SORBS2: variants seen among roughly 807,000 people sequenced by gnomAD.
SORBS2 encodes sorbin and SH3 domain-containing protein 2.
Under a neutral mutation model 97.7 loss-of-function variants are expected in SORBS2, and 46 were observed. The ratio of observed to expected loss-of-function variants is 0.47; its 90% CI spans 0.37 to 0.60. SORBS2 has a LOEUF of 0.60. Ranked by LOEUF, SORBS2 falls within the 20% of genes least tolerant of loss-of-function variation. SORBS2 has a pLI of 0.00. For synonymous variants in SORBS2, 476 were observed against 473.4 expected, an observed-to-expected ratio of 1.01 and a Z score of -0.07; for missense variants, 1,316 against 1,282.3, an observed-to-expected ratio of 1.03 and a Z score of -0.40.
intron 2 of SORBS2, among the ~76,000 whole-genome samples, chr4:185,729,278 T>C (rs1253616916): frequency 2.0e-5 from 3 of 152,230 alleles, no homozygotes; most frequent in African/African-American, 7.2e-5. Context: ...TATTTTAAAA[T>C]GAGAGAAAAT....
At chr4:185,826,495 T>C (rs2099199889) in intron 1 of SORBS2, among the ~76,000 whole-genome samples, 1 of 152,236 alleles carries the variant, frequency 6.6e-6, no homozygotes, top group South Asian at 2.1e-4. Flanking sequence ...GTCATCCTAG[T>C]CTCTAAACAG....
chr4:185,738,408 C>T (rs1357702839), intron 2 of SORBS2, among the ~76,000 whole-genome samples: 3 of 152,144 alleles, frequency 2.0e-5, no homozygotes, highest in Admixed American at 6.6e-5. Flanking sequence ...GATCCCAGCC[C>T]GGAGATTTTC....
At chr4:185,705,578 A>T (rs1051536356) in intron 2 of SORBS2, among the ~76,000 whole-genome samples, 3 of 152,136 alleles carry the variant, frequency 2.0e-5, no homozygotes, top group African/African-American at 7.2e-5. Flanking sequence ...ATAAAAAAAA[A>T]TTCCTTAAAG....
At chr4:185,823,134 A>G (rs1299861419) in intron 1 of SORBS2, among the ~76,000 whole-genome samples, 1 of 152,164 alleles carries the variant, frequency 6.6e-6, no homozygotes, top group African/African-American at 2.4e-5. Flanking sequence ...TCTTGCAACA[A>G]GTGGATTCAG....
Position 185,859,777 on chromosome 4 carries a change from G to A in SORBS2, c.-337-84411C>T, listed in dbSNP as rs540898013. ...TATAAAAGATGGTGAATAAATGGGAGCATATGGCAGAGGCAATAGAAACTT... is the reference window on the plus strand; with the variant it reads ...TATAAAAGATGGTGAATAAATGGGAACATATGGCAGAGGCAATAGAAACTT... On this transcript the variant is annotated intron_variant, in intron 1 of 20. Transcript: ENST00000284776. Among the ~76,000 whole-genome samples, 8 of 152,298 alleles carry A rather than the reference G, an allele frequency of 5.3e-5. No homozygotes were observed. In the South Asian group the frequency reaches 1.5e-3, roughly 28 times the overall value.
intron 2 of SORBS2, among the ~76,000 whole-genome samples, chr4:185,764,328 T>C (rs1339416089): frequency 6.6e-6 from 1 of 152,196 alleles, no homozygotes; most frequent in Non-Finnish European, 1.5e-5. Context: ...ACTGCTAGAT[T>C]CAAAGCCCAT....
intron 1 of SORBS2, among the ~76,000 whole-genome samples, chr4:185,866,144 AC>A: frequency 6.6e-6 from 1 of 152,156 alleles, no homozygotes; most frequent in Non-Finnish European, 1.5e-5. Context: ...GATTCCTGTC[AC>A]CAGCCAGTTG....
At chr4:185,692,808 A>G (rs919266773) in intron 2 of SORBS2, among the ~76,000 whole-genome samples, 1 of 98,778 alleles carries the variant, frequency 1.0e-5, no homozygotes, top group Non-Finnish European at 2.1e-5. Flanking sequence ...ATGTGCACAC[A>G]TACACACACA....
intron 2 of SORBS2, among the ~76,000 whole-genome samples, chr4:185,697,042 G>A (rs139150312): frequency 6.4e-4 from 98 of 152,292 alleles, no homozygotes; most frequent in Middle Eastern, 3.4e-3. Flanking sequence ...ACTGAATAGC[G>A]TTGGAAGAAT....
Position 185,793,463 on chromosome 4 carries a change from T to C in SORBS2, c.-337-18097A>G, listed in dbSNP as rs142684637. 1.1e-3 allele frequency among the ~76,000 whole-genome samples: 175 copies of C among 152,384 alleles called. 1 individual carries two copies. The highest frequency in any genetic ancestry group is 4.0e-3 in the African/African-American group (167 of 41,598). ...AGAAGATACAAGAGTGTGTTTGTTATACTCTAATGAAGTTTCTTTGAGTTT... is the reference window on the plus strand; with the variant it reads ...AGAAGATACAAGAGTGTGTTTGTTACACTCTAATGAAGTTTCTTTGAGTTT... On this transcript the variant is annotated intron_variant, in intron 1 of 20. Transcript: ENST00000284776.
intron 1 of SORBS2, among the ~76,000 whole-genome samples, chr4:185,910,729 G>A (rs1441272634): frequency 1.3e-5 from 2 of 152,062 alleles, no homozygotes; most frequent in Admixed American, 6.5e-5. Flanking sequence ...GCATGAGCCA[G>A]CACATCTGAC....
intron 1 of SORBS2, chr4:185,933,385 A>C (rs2099267400): frequency 6.6e-6 from 1 of 152,116 alleles, no homozygotes; most frequent in African/African-American, 2.4e-5. Context: ...GGGCTGTGAT[A>C]ACAAAGTACC....
chr4:185,766,129 ATGAGGCG>A (rs2098932865), intron 2 of SORBS2, among the ~76,000 whole-genome samples: 1 of 152,222 alleles, frequency 6.6e-6, no homozygotes. Flanking sequence ...CTACTTCAGA[ATGAGGCG>A]TGGATCCCTT....
intron 4 of SORBS2, 64 bp from the exon 16 acceptor site, chr4:185,635,475 C>A: frequency 1.7e-6 from 2 of 1,208,246 alleles, no homozygotes; most frequent in Non-Finnish European, 2.4e-6. Context: ...TCAATGGCAG[C>A]AAGGAATGAA....
chr4:185,776,862 T>C (rs1320960450), intron 1 of SORBS2, among the ~76,000 whole-genome samples: 2 of 144,184 alleles, frequency 1.4e-5, no homozygotes, highest in Admixed American at 1.4e-4. Flanking sequence ...ATCGCACCAG[T>C]GCACTCCAGC....
In SORBS2 at chr4:185,643,990, C is replaced by T. The variant is rs1349084612; in HGVS notation, c.396+2678G>A. 7.9e-5 allele frequency among the ~76,000 whole-genome samples: 12 copies of T among 152,278 alleles called. No individual in the cohort carries two copies. The South Asian group carries it at 8.3e-4, about 11-fold the overall frequency. On this transcript the variant is annotated intron_variant, in intron 4 of 14. Transcript: ENST00000418609. ...TACGCGGCCAGTCTCTACATCACCACGGCCCACTTGGCTCTTTTTGTTTTC... is the reference window on the plus strand; with the variant it reads ...TACGCGGCCAGTCTCTACATCACCATGGCCCACTTGGCTCTTTTTGTTTTC...
intron 4 of SORBS2, among the ~76,000 whole-genome samples, chr4:185,663,523 C>A (rs2097550240): frequency 6.6e-6 from 1 of 152,200 alleles, no homozygotes; most frequent in Non-Finnish European, 1.5e-5. Context: ...TCTTGAGGAC[C>A]TGCTCCCTGG....
chr4:185,807,935 C>A (rs554809822), intron 1 of SORBS2, among the ~76,000 whole-genome samples: 1 of 152,096 alleles, frequency 6.6e-6, no homozygotes, highest in Non-Finnish European at 1.5e-5. Flanking sequence ...ATAACTGAGA[C>A]CTTTAAAAAT....
At chr4:185,587,781 G>A in intron 14 of SORBS2, 93 bp from the exon 27 acceptor site, 1 of 972,160 alleles carries the variant, frequency 1.0e-6, no homozygotes, top group Non-Finnish European at 1.6e-6. Context: ...GGCCTCGGAA[G>A]ACAGCAAGCC....
Sources: allele counts gnomAD v4.1 joint callset (sites outside exome capture counted in the v4.1 genomes callset), GRCh38; gene constraint gnomAD v4.1.1; transcripts MANE v1.5; gene names NCBI Gene and HGNC (gene_info 2026-07-23, HGNC 2026-07-21).